Variants in EYS observed in about 807,000 individuals in gnomAD.
EYS encodes protein eyes shut homolog.
A neutral mutation model predicts 282.1 loss-of-function variants in EYS; 250 were observed. The observed-to-expected ratio is 0.89, with a 90% CI of 0.80 to 0.98. EYS has a LOEUF of 0.98. Among genes scored for constraint, EYS ranks in the 50% least tolerant of loss-of-function variants. The pLI, the probability that EYS is intolerant of heterozygous loss-of-function variation, is 0.00. For synonymous variants in EYS, 1,355 were observed against 1,282.9 expected, an observed-to-expected ratio of 1.06 and a Z score of -1.20; for missense variants, 4,016 against 3,709.0, an observed-to-expected ratio of 1.08 and a Z score of -2.15.
chr6:64,671,701 G>A (rs140914618), intron 22 of EYS, among the ~76,000 whole-genome samples: 224 of 151,790 alleles, frequency 1.5e-3, no homozygotes, highest in African/African-American at 5.1e-3. Flanking sequence ...TTATCCTAAG[G>A]CTTCTCAGTT....
At chr6:63,893,705 A>G (rs534622914) in intron 35 of EYS, among the ~76,000 whole-genome samples, 49 of 152,262 alleles carry the variant, frequency 3.2e-4, no homozygotes, top group South Asian at 2.1e-3. Context: ...CATGTATCCC[A>G]GAACTTAAAG....
chr6:64,990,204 G>A (rs1771017250), intron 14 of EYS, among the ~76,000 whole-genome samples: 1 of 151,504 alleles, frequency 6.6e-6, no homozygotes, highest in Admixed American at 6.6e-5. Flanking sequence ...CTGAAAGAAA[G>A]TGTGATTTTA....
intron 12 of EYS, among the ~76,000 whole-genome samples, chr6:65,133,628 G>A (rs1775943198): frequency 6.6e-6 from 1 of 151,988 alleles, no homozygotes; most frequent in African/African-American, 2.4e-5. Flanking sequence ...AACACACGAT[G>A]GATTAAACAC....
intron 12 of EYS, among the ~76,000 whole-genome samples, chr6:65,081,368 C>T (rs1026037978): frequency 1.3e-5 from 2 of 152,024 alleles, no homozygotes; most frequent in Non-Finnish European, 2.9e-5. Context: ...GTCTTCCAAG[C>T]CTCTGTTTCC....
intron 14 of EYS, among the ~76,000 whole-genome samples, chr6:64,946,253 ATAAC>A (rs1412308973): frequency 6.6e-6 from 1 of 152,060 alleles, no homozygotes; most frequent in Non-Finnish European, 1.5e-5. Flanking sequence ...ATGATGGAGT[ATAAC>A]TAAATAACTA....
At chr6:65,410,368 C>T (rs546462434) in intron 5 of EYS, among the ~76,000 whole-genome samples, 17 of 152,108 alleles carry the variant, frequency 1.1e-4, no homozygotes, top group Middle Eastern at 3.4e-3. Context: ...TATCTATCAC[C>T]TCATGCCTTT....
chr6:65,182,031 G>A (rs1765399664), intron 12 of EYS, among the ~76,000 whole-genome samples: 1 of 151,856 alleles, frequency 6.6e-6, no homozygotes, highest in South Asian at 2.1e-4. Context: ...ACACAGGAAG[G>A]GGAACATCAC....
intron 22 of EYS, among the ~76,000 whole-genome samples, chr6:64,642,075 CAG>C (rs1265801535): frequency 1.3e-5 from 2 of 152,114 alleles, no homozygotes; most frequent in East Asian, 3.9e-4. Flanking sequence ...AACATGAAGA[CAG>C]AAAGATTCTG....
intron 33 of EYS, among the ~76,000 whole-genome samples, chr6:64,044,780 T>C (rs1770545329): frequency 6.6e-6 from 1 of 152,178 alleles, no homozygotes; most frequent in Non-Finnish European, 1.5e-5. Flanking sequence ...ACATATGATT[T>C]ACTATGCCAA....
Position 65,689,088 on chromosome 6 carries a change from G to A in EYS, c.-448+18047C>T, listed in dbSNP as rs780500403. 9.3e-5 allele frequency among the ~76,000 whole-genome samples: 14 copies of A among 149,962 alleles called. 1 individual carries two copies. The highest frequency in any genetic ancestry group is 4.6e-4 in the East Asian group (2 of 4,370). ...ACACATGTGCATGTATGTTTATTGT[G>A]GCACTGTTCACAATAGCAAAGACTT... On this transcript the variant is annotated intron_variant, in intron 1 of 42. Transcript: ENST00000503581.
At position 64,376,065 on chromosome 6, in the gene EYS, A is replaced by G. The variant is rs117731601; in HGVS notation, c.6078+12625T>C. 1.1e-3 allele frequency among the ~76,000 whole-genome samples: 172 copies of G among 152,358 alleles called. 1 individual carries two copies. The East Asian group carries it at 0.028, about 24-fold the overall frequency. The stretch of plus-strand genomic sequence containing the variant: ...AGGCAGATAAAACCATGGAGATTAC[A>G]AAGCAAAATAAGAAAGATCTATCAT... On this transcript the variant is annotated intron_variant, in intron 29 of 42. Transcript: ENST00000503581.
intron 1 of EYS, among the ~76,000 whole-genome samples, chr6:65,686,340 T>A (rs12208064): frequency 0.35 from 53,641 of 151,928 alleles, 11,963 homozygotes; most frequent in Non-Finnish European, 0.49. Context: ...CAGAAAAGAC[T>A]GAAATCAGTC....
intron 11 of EYS, among the ~76,000 whole-genome samples, chr6:65,297,071 T>A (rs542171064): frequency 4.3e-4 from 65 of 151,678 alleles, no homozygotes; most frequent in African/African-American, 1.5e-3. Flanking sequence ...TTCCTCTATA[T>A]CTAGGCATAG....
chr6:65,473,747 G>A lies in EYS; in HGVS notation c.862+16847C>T, dbSNP rs1192973818. On this transcript the variant is annotated intron_variant, in intron 5 of 42. Transcript: ENST00000503581. ...CAAGATTAATAAATAGTAGATATGGGGTGACATTGAAGTCCTTGAACTTCA... is the reference window on the plus strand; with the variant it reads ...CAAGATTAATAAATAGTAGATATGGAGTGACATTGAAGTCCTTGAACTTCA... 7.9e-5 allele frequency among the ~76,000 whole-genome samples: 12 copies of A among 151,740 alleles called. No homozygotes were observed. In the South Asian group the frequency reaches 2.5e-3, roughly 31 times the overall value.
intron 19 of EYS, among the ~76,000 whole-genome samples, chr6:64,880,171 G>A (rs558054359): frequency 1.3e-5 from 2 of 152,060 alleles, no homozygotes; most frequent in African/African-American, 4.8e-5. Flanking sequence ...AGCATTTTGA[G>A]GAATCTGTGA....
intron 5 of EYS, among the ~76,000 whole-genome samples, chr6:65,419,720 A>G (rs780525891): frequency 6.6e-6 from 1 of 151,956 alleles, no homozygotes; most frequent in Non-Finnish European, 1.5e-5. Context: ...CATTATTAAC[A>G]TTATATTTTA....
chr6:63,937,538 G>T (rs1765107929), intron 35 of EYS, among the ~76,000 whole-genome samples: 1 of 150,460 alleles, frequency 6.6e-6, no homozygotes, highest in Non-Finnish European at 1.5e-5. Flanking sequence ...CCGCCACCAC[G>T]ACCGGTTAAT....
intron 2 of EYS, among the ~76,000 whole-genome samples, chr6:65,519,708 ATTTT>A (rs59743261): frequency 2.3e-5 from 1 of 42,562 alleles, no homozygotes; most frequent in African/African-American, 1.3e-4. Flanking sequence ...ATATATATAT[ATTTT>A]TTTTTTTTTT....
intron 15 of EYS, among the ~76,000 whole-genome samples, chr6:64,913,804 C>T (rs1012002898): frequency 3.3e-5 from 5 of 152,016 alleles, no homozygotes; most frequent in African/African-American, 9.7e-5. Context: ...AATGGTAGTT[C>T]TATTTTTAGT....
Sources: allele counts gnomAD v4.1 joint callset (sites outside exome capture counted in the v4.1 genomes callset), GRCh38; gene constraint gnomAD v4.1.1; transcripts MANE v1.5; gene names NCBI Gene and HGNC (gene_info 2026-07-23, HGNC 2026-07-21).